Variants in KIAA1328 observed in about 807,000 individuals in gnomAD.
KIAA1328 encodes protein hinderin.
In KIAA1328, 52 loss-of-function variants were observed where a neutral mutation model predicts 68.1. The ratio of observed to expected loss-of-function variants is 0.76; its 90% CI spans 0.61 to 0.96. The LOEUF (loss-of-function observed/expected upper bound fraction) is 0.96. Among genes scored for constraint, KIAA1328 ranks in the 40% least tolerant of loss-of-function variants. The pLI is 0.00. For synonymous variants in KIAA1328, 232 were observed against 239.4 expected (o/e 0.97, Z 0.28); for missense variants, 641 against 677.6 (o/e 0.95, Z 0.60).
rs910050366 is a variant in KIAA1328 at position 36,974,036 on chromosome 18, G to T, written c.576+14601G>T. ...GTGTTATCTAAATTAGATATGATTGGGCACAGTGGTCAAAATATACTGCAA... is the reference window on the plus strand; with the variant it reads ...GTGTTATCTAAATTAGATATGATTGTGCACAGTGGTCAAAATATACTGCAA... On this transcript the variant is annotated intron_variant, in intron 6 of 9. Coordinates refer to ENST00000280020, the MANE Select transcript of KIAA1328 (RefSeq NM_020776.3). Among the ~76,000 whole-genome samples the T allele has an allele frequency of 2.0e-5, 3 of 151,956 alleles. 1 individual carries two copies. Among genetic ancestry groups the T allele is most frequent in the Non-Finnish European group, 4.4e-5 (3 of 67,986 alleles).
chr18:37,193,932 T>C (rs1351616717), intron 9 of KIAA1328, among the ~76,000 whole-genome samples: 1 of 152,236 alleles, frequency 6.6e-6, no homozygotes, highest in Non-Finnish European at 1.5e-5. Flanking sequence ...CTTAGCTGTA[T>C]AGATGAATGC....
At chr18:37,208,193 TC>T (rs1397395673) in intron 9 of KIAA1328, among the ~76,000 whole-genome samples, 1 of 151,994 alleles carries the variant, frequency 6.6e-6, no homozygotes, top group African/African-American at 2.4e-5. Flanking sequence ...CCTTCCCTCC[TC>T]CCCCTACATT....
chr18:37,028,400 G>A (rs1434096412), intron 6 of KIAA1328, among the ~76,000 whole-genome samples: 1 of 152,014 alleles, frequency 6.6e-6, no homozygotes, highest in Non-Finnish European at 1.5e-5. Context: ...CTGAAACTTT[G>A]TTGAAGTTGT....
chr18:37,023,095 A>G (rs899319836), intron 6 of KIAA1328, among the ~76,000 whole-genome samples: 3 of 152,210 alleles, frequency 2.0e-5, no homozygotes, highest in African/African-American at 4.8e-5. Context: ...CAGTGGCACA[A>G]TCATGGCTCA....
At chr18:37,054,631 G>A (rs886887071) in intron 6 of KIAA1328, among the ~76,000 whole-genome samples, 10 of 152,082 alleles carry the variant, frequency 6.6e-5, no homozygotes, top group Admixed American at 2.6e-4. Context: ...TGGATATAAC[G>A]ATGGAAACAG....
At chr18:37,167,367 G>A (rs910954508) in intron 8 of KIAA1328, among the ~76,000 whole-genome samples, 7 of 152,170 alleles carry the variant, frequency 4.6e-5, no homozygotes, top group Admixed American at 2.6e-4. Context: ...TAGTGTACTG[G>A]AAAAACTGGA....
At chr18:37,217,096 C>T (rs2060458748) in intron 9 of KIAA1328, among the ~76,000 whole-genome samples, 1 of 151,118 alleles carries the variant, frequency 6.6e-6, no homozygotes, top group South Asian at 2.1e-4. Flanking sequence ...GAATACAGCA[C>T]ACTGATGGGT....
intron 9 of KIAA1328, among the ~76,000 whole-genome samples, chr18:37,206,445 C>A (rs924834185): frequency 6.6e-6 from 1 of 152,040 alleles, no homozygotes; most frequent in African/African-American, 2.4e-5. Context: ...TGCAAAAAGC[C>A]CCCTTTGGAT....
intron 6 of KIAA1328, among the ~76,000 whole-genome samples, chr18:37,021,324 A>G (rs893600230): frequency 1.3e-5 from 2 of 152,226 alleles, no homozygotes; most frequent in Admixed American, 6.5e-5. Flanking sequence ...AAATCAGCCT[A>G]TTCTTTTCAA....
At chr18:36,919,717 A>G (rs779708232) in intron 5 of KIAA1328, among the ~76,000 whole-genome samples, 3 of 152,140 alleles carry the variant, frequency 2.0e-5, no homozygotes, top group Non-Finnish European at 4.4e-5. Flanking sequence ...CCTTTTCTCC[A>G]CAACCTCACC....
intron 6 of KIAA1328, among the ~76,000 whole-genome samples, chr18:37,039,959 G>A (rs1303690953): frequency 1.3e-5 from 2 of 152,088 alleles, no homozygotes; most frequent in Non-Finnish European, 2.9e-5. Flanking sequence ...GTAGGGCTGA[G>A]GTCTGCTTTT....
At chr18:37,207,329 T>A (rs1411300711) in intron 9 of KIAA1328, among the ~76,000 whole-genome samples, 1 of 152,200 alleles carries the variant, frequency 6.6e-6, no homozygotes, top group East Asian at 1.9e-4. Flanking sequence ...TGACCACCCC[T>A]GGTTAGGTCG....
At position 37,223,628 on chromosome 18, in the gene KIAA1328, A is replaced by G; in HGVS notation, c.*1401A>G. 1 of 985,414 alleles carries G rather than the reference A, an allele frequency of 1.0e-6. No individual in the cohort carries two copies. The highest frequency in any genetic ancestry group is 1.1e-4 in the East Asian group (1 of 8,800). 61.0% of individuals were successfully genotyped at this position (985,414 alleles called of 1,614,324 possible). A position where few individuals can be genotyped will look rare whatever the true frequency, so the allele number is the denominator to read the frequency against. On this transcript the variant is annotated 3_prime_UTR_variant, in exon 10 of 10. Transcript: ENST00000280020. ...AGTAAGACTTAGTCAGTGTTGGTAGACAAAGTCATACCACCCAGGGCAGCC... is the reference window on the plus strand; with the variant it reads ...AGTAAGACTTAGTCAGTGTTGGTAGGCAAAGTCATACCACCCAGGGCAGCC...
intron 5 of KIAA1328, among the ~76,000 whole-genome samples, chr18:36,936,123 T>C (rs1173720151): frequency 6.6e-6 from 1 of 152,200 alleles, no homozygotes; most frequent in Non-Finnish European, 1.5e-5. Context: ...CTAGGGTTTT[T>C]TCTTTTGTTT....
chr18:37,030,926 T>C (rs908618650), intron 6 of KIAA1328, among the ~76,000 whole-genome samples: 1 of 151,092 alleles, frequency 6.6e-6, no homozygotes, highest in Non-Finnish European at 1.5e-5. Context: ...AGTGAGAACA[T>C]GTGGTGTTTG....
At chr18:36,970,128 C>T (rs777437851) in intron 6 of KIAA1328, among the ~76,000 whole-genome samples, 1 of 152,186 alleles carries the variant, frequency 6.6e-6, no homozygotes. Context: ...TTGGCTTCAT[C>T]CCTGGGATGC....
At position 37,067,140 on chromosome 18, in the gene KIAA1328, G is replaced by A; in HGVS notation, c.827G>A (p.Arg276Lys). The A allele has an allele frequency of 6.2e-7, 1 of 1,614,000 alleles. No individual in the cohort carries two copies. The highest frequency in any genetic ancestry group is 8.5e-7 in the Non-Finnish European group (1 of 1,179,900). ...ACATGTAATTGTGAATCTCCAGGGA[G>A]AAAACCTGCAGTCCCAACAGAGAAA... ...TTTCNCESPG[R>K]KPAVPTEKMP... The change falls in exon 7 of 10, where the codon AGA becomes AAA. Residue 276 changes from arginine to lysine, a missense_variant. Physicochemically the swap from Arg to Lys is conservative, Grantham distance 26 (BLOSUM62 2). Coordinates refer to ENST00000280020, the MANE Select transcript of KIAA1328 (RefSeq NM_020776.3).
intron 5 of KIAA1328, among the ~76,000 whole-genome samples, chr18:36,920,455 C>CT (rs1258425185): frequency 1.1e-4 from 17 of 152,002 alleles, no homozygotes; most frequent in Admixed American, 1.0e-3. Flanking sequence ...TTACTATAGC[C>CT]TTGTAGTATA....
intron 7 of KIAA1328, among the ~76,000 whole-genome samples, chr18:37,122,757 A>T (rs919327411): frequency 1.2e-4 from 19 of 152,008 alleles, no homozygotes; most frequent in Non-Finnish European, 2.8e-4. Context: ...ATAGTACGGG[A>T]GGTGAGGAAC....
Sources: gnomAD v4.1 joint callset for allele counts (sites outside exome capture counted in the v4.1 genomes callset) on GRCh38, gnomAD v4.1.1 for gene constraint, MANE v1.5 for transcripts, NCBI Gene and HGNC (gene_info 2026-07-23, HGNC 2026-07-21) for gene names.